The following TANC1 variants were observed in gnomAD, a reference collection of about 807,000 sequenced individuals.
TANC1 encodes protein TANC1.
Under a neutral mutation model 149.7 loss-of-function variants are expected in TANC1, and 77 were observed. The observed-to-expected ratio is 0.51, with a 90% CI of 0.43 to 0.62. The LOEUF is 0.62. TANC1 is among the 20% of genes least tolerant of loss of function. The pLI, the probability that TANC1 is intolerant of heterozygous loss-of-function variation, is 0.00. For synonymous variants in TANC1, 854 were observed against 925.0 expected, an observed-to-expected ratio of 0.92 and a Z score of 1.39; for missense variants, 1,985 against 2,321.8, an observed-to-expected ratio of 0.85 and a Z score of 2.98.
rs770813287 is a variant in TANC1 at position 159,230,716 on chromosome 2, TCTG to T, written c.5293_5295del (p.Ala1765del). Reference sequence around the variant, plus strand: ...CACGTCTTCTGCAGCTGGCCTGCAGTCTGCTAACACTGAGAAGCCCTCTCTCAT... The same window carrying T: ...CACGTCTTCTGCAGCTGGCCTGCAGTCTAACACTGAGAAGCCCTCTCTCAT... On this transcript the variant is annotated inframe_deletion, in exon 27 of 27. Coordinates refer to ENST00000263635, the MANE Select transcript of TANC1 (RefSeq NM_033394.3). The surrounding 1 kb of genome is among the most constrained non-coding windows in gnomAD (Gnocchi z 4.4). The T allele has an allele frequency of 6.2e-7, 1 of 1,614,230 alleles. No homozygotes were observed. The highest frequency in any genetic ancestry group is 8.5e-7 in the Non-Finnish European group (1 of 1,180,034).
chr2:159,128,462 A>T (rs1280078144), intron 4 of TANC1, among the ~76,000 whole-genome samples: 1 of 152,188 alleles, frequency 6.6e-6, no homozygotes, highest in Middle Eastern at 3.2e-3. Context: ...TATCCAAGGG[A>T]TGGATGCCAG....
intron 2 of TANC1, among the ~76,000 whole-genome samples, chr2:159,023,411 T>C (rs1486178109): frequency 6.6e-6 from 1 of 151,828 alleles, no homozygotes; most frequent in African/African-American, 2.4e-5. Context: ...GGTACGATCT[T>C]GGCTCACTGC....
intron 4 of TANC1, among the ~76,000 whole-genome samples, chr2:159,116,958 T>TTTTGG (rs2048328584): frequency 6.6e-6 from 1 of 152,192 alleles, no homozygotes; most frequent in African/African-American, 2.4e-5. Flanking sequence ...AAAGCCTGGG[T>TTTTGG]CATTTTCACT....
intron 4 of TANC1, among the ~76,000 whole-genome samples, chr2:159,110,917 T>C (rs775028231): frequency 6.6e-6 from 1 of 152,230 alleles, no homozygotes; most frequent in Non-Finnish European, 1.5e-5. Context: ...TTCGGGGCTT[T>C]GTTCCCTGGG....
intron 4 of TANC1, among the ~76,000 whole-genome samples, chr2:159,106,003 A>T (rs1408468644): frequency 6.6e-6 from 1 of 151,538 alleles, no homozygotes; most frequent in Non-Finnish European, 1.5e-5. Flanking sequence ...TTCGTTTTCC[A>T]TCTAATTAGG....
chr2:158,977,345 C>T (rs1321531820), intron 1 of TANC1, among the ~76,000 whole-genome samples: 2 of 151,858 alleles, frequency 1.3e-5, no homozygotes, highest in Non-Finnish European at 2.9e-5. Context: ...GAAACTTTCT[C>T]TGTTGCCCAG....
intron 26 of TANC1, 33 bp from the exon 27 acceptor site, chr2:159,229,545 G>C: frequency 6.6e-7 from 1 of 1,513,238 alleles, no homozygotes; most frequent in African/African-American, 1.4e-5. Flanking sequence ...TTCGTGTGTG[G>C]TTTGTAATGT....
At chr2:159,078,758 ACT>A (rs1559217023) in intron 3 of TANC1, among the ~76,000 whole-genome samples, 1 of 152,034 alleles carries the variant, frequency 6.6e-6, no homozygotes, top group Non-Finnish European at 1.5e-5. Context: ...AGGGTGAATA[ACT>A]CTGCTGGTTT....
Position 159,126,760 on chromosome 2 carries a change from G to A in TANC1, c.260-9434G>A, listed in dbSNP as rs2049492496. On this transcript the variant is annotated intron_variant, in intron 4 of 26. Transcript: ENST00000263635. Reference sequence around the variant, plus strand: ...TGGACATATCCCAGCTTATGTTGAAGTGTTTTGAAATAAAATTCAAATGAT... The same window carrying A: ...TGGACATATCCCAGCTTATGTTGAAATGTTTTGAAATAAAATTCAAATGAT... Among the ~76,000 whole-genome samples, 3 of 152,234 alleles carry A rather than the reference G, an allele frequency of 2.0e-5. No individual in the cohort carries two copies. In the South Asian group the frequency reaches 6.2e-4, roughly 31 times the overall value.
At chr2:158,999,704 A>G (rs1160201911) in intron 1 of TANC1, among the ~76,000 whole-genome samples, 2 of 152,104 alleles carry the variant, frequency 1.3e-5, no homozygotes, top group Non-Finnish European at 2.9e-5. Flanking sequence ...CGAGGGAGAA[A>G]ATGTCCGACA....
rs377158840 is a variant in TANC1 at position 159,172,205 on chromosome 2, C to T, written c.1436C>T (p.Pro479Leu). The change falls in exon 11 of 27, where the codon CCT becomes CTT. Residue 479 changes from proline (P) to leucine (L), a missense_variant. Physicochemically the swap from Pro to Leu is moderately conservative, Grantham distance 98. This residue lies in a region of TANC1 where 557 missense variants were observed against 612.9 expected (regional missense o/e 0.91). Transcript: ENST00000263635. ...STSASSTAKT[P>L]LGSISAENQR... ...AGTGCTTCCAGCACAGCTAAAACAC[C>T]TCTTGGGTCTATCAGTGCTGAAAAC... 9.9e-6 allele frequency: 16 copies of T among 1,614,084 alleles called. No homozygotes were observed. The Admixed American group carries it at 1.3e-4, about 13-fold the overall frequency.
At chr2:159,155,836 A>G (rs971707976) in intron 7 of TANC1, among the ~76,000 whole-genome samples, 1 of 152,330 alleles carries the variant, frequency 6.6e-6, no homozygotes, top group Non-Finnish European at 1.5e-5. Flanking sequence ...GTATCCTGCT[A>G]GAGTATCTTG....
chr2:159,161,612 G>A (rs994151255), intron 7 of TANC1, among the ~76,000 whole-genome samples: 2 of 152,212 alleles, frequency 1.3e-5, no homozygotes, highest in Non-Finnish European at 2.9e-5. Context: ...GTAAATGCTA[G>A]CTTCTGCTGT....
At chr2:159,136,005 TGTG>T (rs1559325640) in intron 4 of TANC1, among the ~76,000 whole-genome samples, 186 bp from the exon 5 acceptor site, 18 of 34,190 alleles carry the variant, frequency 5.3e-4, no homozygotes, top group African/African-American at 1.8e-3. Context: ...TGAAATTTTG[TGTG>T]TGTGTGTGTG....
At chr2:159,060,356 CAGAGT>C (rs2042151910) in intron 2 of TANC1, among the ~76,000 whole-genome samples, 1 of 152,164 alleles carries the variant, frequency 6.6e-6, no homozygotes, top group Admixed American at 6.5e-5. Context: ...AGAGCGTGCA[CAGAGT>C]ATGTGTGTTT....
At chr2:159,225,510 G>C (rs2059968982) in intron 23 of TANC1, 178 bp from the exon 24 acceptor site, 2 of 617,144 alleles carry the variant, frequency 3.2e-6, no homozygotes, top group South Asian at 3.9e-5. Context: ...TGAGTGCCCA[G>C]GTCAGTGGGA....
intron 10 of TANC1, 85 bp downstream of exon 10, chr2:159,170,890 A>C: frequency 6.9e-7 from 1 of 1,457,224 alleles, no homozygotes; most frequent in Non-Finnish European, 9.3e-7. Flanking sequence ...TAAAATACCA[A>C]TTTTCCTCAA....
intron 14 of TANC1, 152 bp from the exon 15 acceptor site, chr2:159,185,639 A>G (rs1170581667): frequency 3.3e-6 from 2 of 604,868 alleles, no homozygotes; most frequent in African/African-American, 1.9e-5. Context: ...GCTAGGCATT[A>G]TGACTCAGAT....
At chr2:159,184,072 T>G (rs1270040966) in intron 14 of TANC1, among the ~76,000 whole-genome samples, 1 of 152,196 alleles carries the variant, frequency 6.6e-6, no homozygotes, top group African/African-American at 2.4e-5. Context: ...AGTTCAAATC[T>G]CTGTTCTGTC....
Sources: gnomAD v4.1 joint callset for allele counts (sites outside exome capture counted in the v4.1 genomes callset) on GRCh38, gnomAD v4.1.1 for gene constraint, gnomAD v4.1.1 regional missense constraint, Gnocchi (gnomAD v3.1) non-coding constraint, MANE v1.5 for transcripts, NCBI Gene and HGNC (gene_info 2026-07-23, HGNC 2026-07-21) for gene names.